The following PRDM4 variants were observed in gnomAD, a reference collection of about 807,000 sequenced individuals.
PRDM4 encodes PR/SET domain 4, also known as PR domain zinc finger protein 4.
Under a neutral mutation model 62.3 loss-of-function variants are expected in PRDM4, and 38 were observed. The ratio of observed to expected loss-of-function variants is 0.61; its 90% CI spans 0.47 to 0.80. The LOEUF (loss-of-function observed/expected upper bound fraction) is 0.80. Ranked by LOEUF, PRDM4 falls within the 30% of genes least tolerant of loss-of-function variation. The pLI, the probability that PRDM4 is intolerant of heterozygous loss-of-function variation, is 0.00. For missense variants in PRDM4, 858 were observed against 997.1 expected (o/e 0.86, Z 1.88); for synonymous variants, 339 against 348.2 (o/e 0.97, Z 0.30).
intron 6 of PRDM4, among the ~76,000 whole-genome samples, chr12:107,745,172 G>T (rs555603685): frequency 6.6e-6 from 1 of 152,188 alleles, no homozygotes; most frequent in African/African-American, 2.4e-5. Flanking sequence ...ATAACATAGG[G>T]CTCACAATAA....
chr12:107,756,985 A>G lies in PRDM4; in HGVS notation c.12-20T>C. ...TTCATCCTAGAAAAGAGCACACACA[A>G]CTAGTTATGCAAAAATTTACTCCAA... On this transcript the variant is annotated intron_variant, in intron 2 of 11. Coordinates refer to ENST00000228437, the MANE Select transcript of PRDM4 (RefSeq NM_012406.4). The G allele has an allele frequency of 1.2e-6, 2 of 1,612,288 alleles. No homozygotes were observed. The highest frequency in any genetic ancestry group is 1.3e-5 in the African/African-American group (1 of 75,010).
chr12:107,743,059 GC>G lies in PRDM4; in HGVS notation c.1481+137del, dbSNP rs1247588605. 4.4e-6 allele frequency: 3 copies of G among 684,850 alleles called. No homozygotes were observed. The Admixed American group carries it at 7.9e-5, about 18-fold the overall frequency. 42.4% of individuals were successfully genotyped at this position (684,850 alleles called of 1,614,324 possible). A position where few individuals can be genotyped will look rare whatever the true frequency, so the allele number is the denominator to read the frequency against. The stretch of plus-strand genomic sequence containing the variant: ...TGGGATTAAAGGTGTGAGCCACCAT[GC>G]CTGGCTGCCTTGGGCTTTAAGTATG... On this transcript the variant is annotated intron_variant, in intron 8 of 11. Transcript: ENST00000228437.
At position 107,733,110 on chromosome 12, in the gene PRDM4, T is replaced by TA. The variant is rs1890224041; in HGVS notation, c.*1099dup. 1 of 152,458 alleles carries TA rather than the reference T, an allele frequency of 6.6e-6. No individual in the cohort carries two copies. Among genetic ancestry groups the TA allele is most frequent in the African/African-American group, 2.4e-5 (1 of 41,416 alleles). 9.4% of individuals were successfully genotyped at this position (152,458 alleles called of 1,614,324 possible). On this transcript the variant is annotated 3_prime_UTR_variant, in exon 12 of 12. Coordinates refer to ENST00000228437, the MANE Select transcript of PRDM4 (RefSeq NM_012406.4). ...ACAATGACCAGGTGCATGGGTGACT[T>TA]AACTAAGCTGGGACCCTGAAAACAG... is the stretch of plus-strand genomic sequence containing the variant.
At chr12:107,752,837 A>G (rs1043524413) in intron 4 of PRDM4, among the ~76,000 whole-genome samples, 2 of 152,196 alleles carry the variant, frequency 1.3e-5, no homozygotes, top group African/African-American at 4.8e-5. Context: ...CTCTAAATCC[A>G]TTTTGTAAAT....
rs1891079623 is a variant in PRDM4 at position 107,756,819 on chromosome 12, C to T, written c.145+13G>A. 1 of 1,613,982 alleles carries T rather than the reference C, an allele frequency of 6.2e-7. No homozygotes were observed. The highest frequency in any genetic ancestry group is 8.5e-7 in the Non-Finnish European group (1 of 1,179,950). On this transcript the variant is annotated intron_variant, in intron 3 of 11. Coordinates refer to ENST00000228437, the MANE Select transcript of PRDM4 (RefSeq NM_012406.4). ...TAAGTGTTGAAATGCAGTAGGTCTC[C>T]CTTACCACTCACCTGGGGCAGGGAT... is the stretch of plus-strand genomic sequence containing the variant.
chr12:107,756,967 T>C lies in PRDM4; in HGVS notation c.12-2A>G. On this transcript the variant is annotated splice_acceptor_variant, in intron 2 of 11. Coordinates refer to ENST00000228437, the MANE Select transcript of PRDM4 (RefSeq NM_012406.4). LOFTEE classifies it high-confidence loss of function. ...GGACTCAGGTTCATTTCATTCATCC[T>C]AGAAAAGAGCACACACAACTAGTTA... 1 of 1,613,924 alleles carries C rather than the reference T, an allele frequency of 6.2e-7. No homozygotes were observed. Among genetic ancestry groups the C allele is most frequent in the South Asian group, 1.1e-5 (1 of 91,074 alleles).
At chr12:107,758,214 T>C (rs930414340) in intron 2 of PRDM4, 3 of 151,746 alleles carry the variant, frequency 2.0e-5, no homozygotes, top group Non-Finnish European at 4.4e-5. Flanking sequence ...AAGTGATTTA[T>C]ATGTAACTAT....
intron 8 of PRDM4, among the ~76,000 whole-genome samples, chr12:107,742,992 C>T (rs935879468): frequency 6.6e-6 from 1 of 152,106 alleles, no homozygotes; most frequent in Non-Finnish European, 1.5e-5. Context: ...GTCTCGAACT[C>T]CTGGCCTCAA....
In PRDM4 at chr12:107,733,249, A is replaced by G. The variant is rs1234290662; in HGVS notation, c.*961T>C. 2.0e-5 allele frequency: 3 copies of G among 152,240 alleles called. No homozygotes were observed. Among genetic ancestry groups the G allele is most frequent in the African/African-American group, 7.2e-5 (3 of 41,470 alleles). The allele number at this position is 152,240 out of a possible 1,614,324, so 9.4% of individuals were successfully genotyped here. On this transcript the variant is annotated 3_prime_UTR_variant, in exon 12 of 12. Coordinates refer to ENST00000228437, the MANE Select transcript of PRDM4 (RefSeq NM_012406.4). ...GACAACTGGGAAGACCTAACTTTGC[A>G]CATGCATTAAATAATGTTATTTTGA...
At chr12:107,758,974 T>C (rs945076059) in intron 2 of PRDM4, among the ~76,000 whole-genome samples, 1 of 152,238 alleles carries the variant, frequency 6.6e-6, no homozygotes. Flanking sequence ...TTTATTATGC[T>C]ATAAAATAAA....
chr12:107,745,594 A>G (rs1255389867), intron 6 of PRDM4, among the ~76,000 whole-genome samples: 2 of 152,222 alleles, frequency 1.3e-5, no homozygotes, highest in Non-Finnish European at 2.9e-5. Context: ...AAATAAATAA[A>G]TAAAAAATAA....
intron 2 of PRDM4, chr12:107,759,826 T>C (rs1891176669): frequency 2.0e-5 from 3 of 152,242 alleles, no homozygotes; most frequent in Admixed American, 2.0e-4. Flanking sequence ...AGCTCTATCT[T>C]CCCTACTCAT....
Position 107,734,148 on chromosome 12 carries a change from T to C in PRDM4, c.*62A>G, listed in dbSNP as rs1890251811. On this transcript the variant is annotated 3_prime_UTR_variant, in exon 12 of 12. Transcript: ENST00000228437. ...TTTATATAAAAACCATTATAGTAGA[T>C]AACTGGTTATGTGTATTTTTCCATT... is the stretch of plus-strand genomic sequence containing the variant. 6.8e-7 allele frequency: 1 copy of C among 1,467,408 alleles called. No individual in the cohort carries two copies. Among genetic ancestry groups the C allele is most frequent in the Non-Finnish European group, 9.2e-7 (1 of 1,086,146 alleles). The allele number at this position is 1,467,408 out of a possible 1,614,324, so 90.9% of individuals were successfully genotyped here.
intron 11 of PRDM4, among the ~76,000 whole-genome samples, chr12:107,735,748 G>A (rs1268432049): frequency 6.8e-6 from 1 of 146,028 alleles, no homozygotes; most frequent in African/African-American, 2.5e-5. Flanking sequence ...ACACAGACCA[G>A]GAATTTTTTA....
intron 5 of PRDM4, among the ~76,000 whole-genome samples, chr12:107,748,934 T>C (rs1890808329): frequency 6.6e-6 from 1 of 152,190 alleles, no homozygotes. Flanking sequence ...TAAATTAGCC[T>C]TATATTCATT....
At chr12:107,744,013 C>T (rs959431197) in intron 7 of PRDM4, among the ~76,000 whole-genome samples, 1 of 151,898 alleles carries the variant, frequency 6.6e-6, no homozygotes, top group Non-Finnish European at 1.5e-5. Flanking sequence ...ACTTGGGAGG[C>T]TGAGGTGGGA....
chr12:107,758,238 CTTTTTTTTTTTTT>C (rs3070881), intron 2 of PRDM4: 4 of 101,896 alleles, frequency 3.9e-5, no homozygotes, highest in East Asian at 3.1e-4. Context: ...TCTTAATCTT[CTTTTTTTTTTTTT>C]TTTTTTTTTT....
intron 10 of PRDM4, among the ~76,000 whole-genome samples, chr12:107,739,908 T>C (rs541741733): frequency 1.3e-5 from 2 of 149,860 alleles, no homozygotes; most frequent in South Asian, 2.1e-4. Context: ...GACGTGTCTA[T>C]AGGGAAACAT....
At chr12:107,760,472 G>A (rs1891206470) in intron 2 of PRDM4, 33 bp downstream of exon 2, 1 of 1,611,982 alleles carries the variant, frequency 6.2e-7, no homozygotes. Context: ...TTCCAACGAT[G>A]TCACCAGTGC....
Sources: gnomAD v4.1 joint callset for allele counts (sites outside exome capture counted in the v4.1 genomes callset) on GRCh38, gnomAD v4.1.1 for gene constraint, MANE v1.5 for transcripts, NCBI Gene and HGNC (gene_info 2026-07-23, HGNC 2026-07-21) for gene names.